ZNF606: variants seen among roughly 807,000 people sequenced by gnomAD.
The protein encoded by ZNF606 is zinc finger protein 606.
A neutral mutation model predicts 74.9 loss-of-function variants in ZNF606; 37 were observed. The observed-to-expected ratio is 0.49, with a 90% CI of 0.38 to 0.65. The LOEUF is 0.65. Ranked by LOEUF, ZNF606 falls within the 30% of genes least tolerant of loss-of-function variation. ZNF606 has a pLI of 0.00. For missense variants in ZNF606, 852 were observed against 952.9 expected, an observed-to-expected ratio of 0.89 and a Z score of 1.39; for synonymous variants, 328 against 312.4, an observed-to-expected ratio of 1.05 and a Z score of -0.53.
At position 57,999,614 on chromosome 19, in the gene ZNF606, G is replaced by A. The variant is rs979396302; in HGVS notation, c.177+194C>T. 8.3e-6 allele frequency: 5 copies of A among 603,436 alleles called. No homozygotes were observed. In the African/African-American group the frequency reaches 9.2e-5, roughly 11 times the overall value. 37.4% of individuals were successfully genotyped at this position (603,436 alleles called of 1,614,324 possible). ...GAGTTGGAGCTCAGTACTGTGGACA[G>A]ACTGGTTGACACTAAGGCTCCGAAT... On this transcript the variant is annotated intron_variant, in intron 4 of 6. Coordinates refer to ENST00000551380, the MANE Select transcript of ZNF606 (RefSeq NM_001348022.3).
chr19:57,979,357 T>G lies in ZNF606; in HGVS notation c.1323A>C (p.Ser441=), dbSNP rs2073042652. The part of the protein sequence containing the change: ...DKCGKVFRNR[S]ALTKHERTHT... Reference sequence around the variant, plus strand: ...GAGTCCGTTCATGTTTCGTAAGGGCTGAGCGATTCCTAAAAACTTTTCCAC... The same window carrying G: ...GAGTCCGTTCATGTTTCGTAAGGGCGGAGCGATTCCTAAAAACTTTTCCAC... Residue 441 remains serine (S), a synonymous_variant, in exon 7 of 7, where the codon TCA becomes TCC. Transcript: ENST00000551380. 1.2e-6 allele frequency: 2 copies of G among 1,613,086 alleles called. No homozygotes were observed. The highest frequency in any genetic ancestry group is 3.3e-5 in the Admixed American group (2 of 59,868).
At chr19:58,000,533 T>C in intron 3 of ZNF606, 150 bp downstream of exon 3, 1 of 871,584 alleles carries the variant, frequency 1.1e-6, no homozygotes, top group Admixed American at 2.0e-5. Flanking sequence ...GTTTTCTGAT[T>C]CCTCCTTGTT....
chr19:57,981,857 G>A (rs554411579), intron 6 of ZNF606, among the ~76,000 whole-genome samples: 3 of 152,334 alleles, frequency 2.0e-5, no homozygotes, highest in Admixed American at 6.5e-5. Context: ...AGGAGTTACA[G>A]TCTGCTAATC....
chr19:57,984,864 G>GCGGA (rs1394777196), intron 6 of ZNF606, among the ~76,000 whole-genome samples: 2 of 152,206 alleles, frequency 1.3e-5, no homozygotes, highest in Non-Finnish European at 2.9e-5. Context: ...GGAGGCTGAG[G>GCGGA]CGGACGGATC....
intron 1 of ZNF606, 31 bp downstream of exon 1, chr19:58,002,365 G>A (rs1254493302): frequency 4.4e-6 from 2 of 456,624 alleles, no homozygotes; most frequent in Non-Finnish European, 8.8e-6. Context: ...CGACGCGGCC[G>A]CGACGCTGCA....
rs542267286 is a variant in ZNF606 at position 57,997,010 on chromosome 19, C to T, written c.177+2798G>A. The stretch of plus-strand genomic sequence containing the variant: ...GGGTCTCAGATGTTTGCTGACAGAT[C>T]TTGCCCAACTGCTCCCCCTTCAAGG... On this transcript the variant is annotated intron_variant, in intron 4 of 6. Transcript: ENST00000551380. Among the ~76,000 whole-genome samples the T allele has an allele frequency of 2.6e-4, 39 of 152,346 alleles. 1 individual carries two copies. The South Asian group carries it at 8.1e-3, about 32-fold the overall frequency.
chr19:57,988,196 T>C lies in ZNF606; in HGVS notation c.400+11A>G. 1 of 1,610,510 alleles carries C rather than the reference T, an allele frequency of 6.2e-7. No individual in the cohort carries two copies. The highest frequency in any genetic ancestry group is 1.7e-4 in the Middle Eastern group (1 of 5,818). On this transcript the variant is annotated intron_variant, in intron 6 of 6. Coordinates refer to ENST00000551380, the MANE Select transcript of ZNF606 (RefSeq NM_001348022.3). ...GGGAAGTTCCTTGTTCAGCCTGGGGTCTGCCCTCACCTGGACAAGTGCGTT... is the reference window on the plus strand; with the variant it reads ...GGGAAGTTCCTTGTTCAGCCTGGGGCCTGCCCTCACCTGGACAAGTGCGTT...
chr19:58,000,305 T>C (rs2073401650), intron 3 of ZNF606: 1 of 494,728 alleles, frequency 2.0e-6, no homozygotes, highest in Non-Finnish European at 3.6e-6. Context: ...CACTGCACGC[T>C]CCGCCTCCTG....
chr19:57,988,887 C>A (rs538678429), intron 4 of ZNF606, among the ~76,000 whole-genome samples, 166 bp from the exon 5 acceptor site: 226 of 151,968 alleles, frequency 1.5e-3, no homozygotes, highest in Non-Finnish European at 2.6e-3. Context: ...GAGAACCACC[C>A]AAGACCTCAT....
intron 4 of ZNF606, among the ~76,000 whole-genome samples, chr19:57,992,178 AGT>A (rs2073271160): frequency 6.6e-6 from 1 of 152,226 alleles, no homozygotes; most frequent in Non-Finnish European, 1.5e-5. Flanking sequence ...CTAATAAAAC[AGT>A]GGACAGTGGC....
At chr19:58,001,569 C>T (rs1234643102) in intron 1 of ZNF606, among the ~76,000 whole-genome samples, 199 bp from the exon 2 acceptor site, 1 of 152,176 alleles carries the variant, frequency 6.6e-6, no homozygotes, top group Non-Finnish European at 1.5e-5. Flanking sequence ...GAAAAAAGAG[C>T]ATGATCCTGA....
At chr19:57,998,744 T>C (rs1010576668) in intron 4 of ZNF606, 1 of 152,172 alleles carries the variant, frequency 6.6e-6, no homozygotes, top group Non-Finnish European at 1.5e-5. Context: ...ATTATAAAAA[T>C]TTTTTTAAGT....
In ZNF606 at chr19:57,979,132, T is replaced by C. The variant is rs768427853; in HGVS notation, c.1548A>G (p.Glu516=). ...HTGEKPFECT[E]CGKSFSWSSH... ...AGCTCCAGCTGAATGATTTCCCACA[T>C]TCAGTACATTCAAAAGGTTTCTCTC... Residue 516 remains glutamate (E), a synonymous_variant, in exon 7 of 7, where the codon GAA becomes GAG. Coordinates refer to ENST00000551380, the MANE Select transcript of ZNF606 (RefSeq NM_001348022.3). 13 of 1,614,076 alleles carry C rather than the reference T, an allele frequency of 8.1e-6. 1 individual carries two copies. The Admixed American group carries it at 1.8e-4, about 23-fold the overall frequency.
At chr19:57,988,494 T>G in intron 5 of ZNF606, 101 bp downstream of exon 5, 3 of 1,519,920 alleles carry the variant, frequency 2.0e-6, no homozygotes, top group Non-Finnish European at 2.7e-6. Context: ...TCAGCTCTTC[T>G]GAGACACCAC....
In ZNF606 at chr19:57,978,632, T is replaced by A; in HGVS notation, c.2048A>T (p.Asn683Ile). Residue 683 changes from asparagine (N) to isoleucine (I), a missense_variant, in exon 7 of 7, where the codon AAT (asparagine) becomes ATT (isoleucine). By Grantham distance (149) the Asn-to-Ile change is moderately radical (BLOSUM62 -3). This residue lies in a region of ZNF606 where 243 missense variants were observed against 359.2 expected (regional missense o/e 0.68). Coordinates refer to ENST00000551380, the MANE Select transcript of ZNF606 (RefSeq NM_001348022.3). The surrounding 1 kb of genome is among the most constrained non-coding windows in gnomAD (Gnocchi z 4.4). ...ACAGTTAAAGGATCTTTCACACTGA[T>A]TACATTTATAGGGTTTCTCACCAGT... is the stretch of plus-strand genomic sequence containing the variant. ...IHTGEKPYKC[N>I]QCERSFNCSS... The A allele has an allele frequency of 6.2e-7, 1 of 1,613,892 alleles. No homozygotes were observed. The highest frequency in any genetic ancestry group is 2.2e-5 in the East Asian group (1 of 44,858).
chr19:57,983,422 C>T (rs763004960), intron 6 of ZNF606, among the ~76,000 whole-genome samples: 4 of 151,768 alleles, frequency 2.6e-5, no homozygotes, highest in Non-Finnish European at 5.9e-5. Flanking sequence ...TAAAAAAATA[C>T]AAAAAATTAG....
chr19:57,996,046 A>G (rs2073337498), intron 4 of ZNF606, among the ~76,000 whole-genome samples: 1 of 152,248 alleles, frequency 6.6e-6, no homozygotes, highest in East Asian at 1.9e-4. Context: ...GAAATGTGCC[A>G]AAATTAAAAC....
intron 4 of ZNF606, among the ~76,000 whole-genome samples, chr19:57,990,567 C>A (rs1236193500): frequency 6.7e-6 from 1 of 150,156 alleles, no homozygotes; most frequent in African/African-American, 2.5e-5. Flanking sequence ...AAAAAATCAA[C>A]CGCAAGACAC....
intron 6 of ZNF606, among the ~76,000 whole-genome samples, chr19:57,983,728 G>A (rs1256005218): frequency 1.3e-5 from 2 of 152,190 alleles, no homozygotes; most frequent in Non-Finnish European, 2.9e-5. Context: ...CATGAGCTCA[G>A]CCTTGAAGCA....
Sources: allele counts gnomAD v4.1 joint callset (sites outside exome capture counted in the v4.1 genomes callset), GRCh38; gene constraint gnomAD v4.1.1; regional missense constraint gnomAD v4.1.1; non-coding constraint Gnocchi (gnomAD v3.1); transcripts MANE v1.5; gene names NCBI Gene and HGNC (gene_info 2026-07-23, HGNC 2026-07-21).